The following RUNX1 variants were observed in gnomAD, a reference collection of about 807,000 sequenced individuals.
RUNX1 encodes runt-related transcription factor 1.
Under a neutral mutation model 42.8 loss-of-function variants are expected in RUNX1, and 19 were observed. That is an observed-to-expected ratio of 0.44 (90% CI 0.31 to 0.65). The LOEUF (loss-of-function observed/expected upper bound fraction) is 0.65. Ranked by LOEUF, RUNX1 falls within the 30% of genes least tolerant of loss-of-function variation. The probability of loss-of-function intolerance (pLI) is 0.07; values close to 1 mark genes in which losing one functional copy is unlikely to be tolerated. For synonymous variants in RUNX1, 271 were observed against 289.4 expected (o/e 0.94, Z 0.64); for missense variants, 528 against 672.0 (o/e 0.79, Z 2.37).
At chr21:35,016,526 G>A (rs908365156) in intron 2 of RUNX1, among the ~76,000 whole-genome samples, 1 of 152,168 alleles carries the variant, frequency 6.6e-6, no homozygotes, top group African/African-American at 2.4e-5. Context: ...TATTGGAGGA[G>A]GAAGAAGCAG....
rs570220286 is a variant in RUNX1 at position 34,918,625 on chromosome 21, T to C, written c.59-25662A>G. On this transcript the variant is annotated intron_variant, in intron 2 of 8. Coordinates refer to ENST00000675419, the MANE Select transcript of RUNX1 (RefSeq NM_001754.5). ...AAAAAAGTACATGAAATAAGATACA[T>C]GAGGCCGGGCGTGGTGGCTCACGCC... Among the ~76,000 whole-genome samples, 25 of 152,272 alleles carry C rather than the reference T, an allele frequency of 1.6e-4. 1 individual carries two copies. The South Asian group carries it at 4.4e-3, about 27-fold the overall frequency.
Position 35,002,334 on chromosome 21 carries a change from G to C in RUNX1, c.58+46508C>G, listed in dbSNP as rs1363990989. Among the ~76,000 whole-genome samples the C allele has an allele frequency of 2.0e-5, 3 of 151,270 alleles. No homozygotes were observed. The East Asian group carries it at 5.8e-4, about 29-fold the overall frequency. On this transcript the variant is annotated intron_variant, in intron 2 of 8. Transcript: ENST00000675419. ...TTGCACCCCCAGCTGCCCCTTATTT[G>C]TCTTATGCTTTTCCATTGCCCTTAG...
chr21:34,890,088 G>C (rs1022168668), intron 3 of RUNX1, among the ~76,000 whole-genome samples: 3 of 152,074 alleles, frequency 2.0e-5, no homozygotes, highest in African/African-American at 7.2e-5. Flanking sequence ...GACTGTCCCC[G>C]GGCGTTGCCG....
rs199697487 is a variant in RUNX1 at position 35,009,076 on chromosome 21, G to A, written c.58+39766C>T. On this transcript the variant is annotated intron_variant, in intron 2 of 8. Transcript: ENST00000675419. Reference sequence around the variant, plus strand: ...TTGGCCCTGAAGAATTTAGAACTGCGTCAAAAGGAAATCTGGTCTATCAGG... The same window carrying A: ...TTGGCCCTGAAGAATTTAGAACTGCATCAAAAGGAAATCTGGTCTATCAGG... Among the ~76,000 whole-genome samples, 6 of 152,126 alleles carry A rather than the reference G, an allele frequency of 3.9e-5. No individual in the cohort carries two copies. In the East Asian group the frequency reaches 5.8e-4, roughly 15 times the overall value.
At chr21:34,933,742 C>T (rs544157178) in intron 2 of RUNX1, among the ~76,000 whole-genome samples, 54 of 152,206 alleles carry the variant, frequency 3.5e-4, no homozygotes, top group Admixed American at 3.0e-3. Context: ...CGCACCACTC[C>T]AGACCTTCCT....
At chr21:35,006,189 A>G (rs921796393) in intron 2 of RUNX1, among the ~76,000 whole-genome samples, 1 of 152,188 alleles carries the variant, frequency 6.6e-6, no homozygotes, top group African/African-American at 2.4e-5. Context: ...TGTTGTATGC[A>G]TTGTCTTTGA....
At chr21:34,876,073 T>C (rs1421657375) in intron 5 of RUNX1, among the ~76,000 whole-genome samples, 1 of 152,178 alleles carries the variant, frequency 6.6e-6, no homozygotes, top group African/African-American at 2.4e-5. Context: ...GGGAGGTCAA[T>C]GTAAACACAA....
At chr21:34,960,501 A>T (rs187736579) in intron 2 of RUNX1, among the ~76,000 whole-genome samples, 25 of 152,334 alleles carry the variant, frequency 1.6e-4, no homozygotes, top group Admixed American at 1.2e-3. Flanking sequence ...TACTGCAATA[A>T]CTACTTAGAT....
chr21:34,845,689 G>A (rs912655745), intron 6 of RUNX1, among the ~76,000 whole-genome samples: 5 of 150,914 alleles, frequency 3.3e-5, no homozygotes, highest in African/African-American at 1.2e-4. Context: ...GGGGGACCCC[G>A]CCCCACTCCC....
At chr21:34,966,668 T>A (rs2058720927) in intron 2 of RUNX1, among the ~76,000 whole-genome samples, 2 of 152,226 alleles carry the variant, frequency 1.3e-5, no homozygotes, top group Non-Finnish European at 1.5e-5. Context: ...AGATAATTGA[T>A]CTGATTATGC....
chr21:35,014,544 G>A (rs1250883619), intron 2 of RUNX1, among the ~76,000 whole-genome samples: 1 of 152,192 alleles, frequency 6.6e-6, no homozygotes, highest in African/African-American at 2.4e-5. Context: ...AGAGTTCCTG[G>A]GAAGGTCAAG....
intron 5 of RUNX1, among the ~76,000 whole-genome samples, chr21:34,865,574 G>A (rs936436340): frequency 6.6e-6 from 1 of 152,188 alleles, no homozygotes; most frequent in African/African-American, 2.4e-5. Context: ...CAAGGGGTGA[G>A]TCTTCCTGGA....
chr21:34,799,354 C>G lies in RUNX1; in HGVS notation c.914G>C (p.Gly305Ala), dbSNP rs1399443142. 6.2e-7 allele frequency: 1 copy of G among 1,614,186 alleles called. No individual in the cohort carries two copies. Among genetic ancestry groups the G allele is most frequent in the South Asian group, 1.1e-5 (1 of 91,080 alleles). ...SVHPATPISP[G>A]RASGMTTLSA... ...GAGGGTTGTCATGCCGCTGGCACGT[C>G]CAGGTGAAATGGGCGTTGCTGGGTG... The change falls in exon 8 of 9, where the codon GGA (glycine) becomes GCA (alanine). Residue 305 changes from glycine (G) to alanine (A), a missense_variant. Gly to Ala is a moderately conservative substitution (Grantham distance 60). Transcript: ENST00000675419.
At chr21:34,960,643 T>C (rs1043735582) in intron 2 of RUNX1, among the ~76,000 whole-genome samples, 1 of 152,192 alleles carries the variant, frequency 6.6e-6, no homozygotes, top group African/African-American at 2.4e-5. Context: ...GATGAAGCAA[T>C]AGAGGGCCCT....
At chr21:34,978,834 C>T (rs939118758) in intron 2 of RUNX1, among the ~76,000 whole-genome samples, 2 of 152,010 alleles carry the variant, frequency 1.3e-5, no homozygotes, top group Non-Finnish European at 2.9e-5. Flanking sequence ...TTTTCTGATA[C>T]TGAAGCATGT....
At chr21:34,818,725 C>T (rs577211239) in intron 7 of RUNX1, among the ~76,000 whole-genome samples, 19 of 152,310 alleles carry the variant, frequency 1.2e-4, no homozygotes, top group East Asian at 9.6e-4. Flanking sequence ...ATGGACCAGC[C>T]GACCGGCAGC....
chr21:34,931,736 T>C (rs1043832550), intron 2 of RUNX1, among the ~76,000 whole-genome samples: 10 of 151,434 alleles, frequency 6.6e-5, no homozygotes, highest in African/African-American at 2.4e-4. Flanking sequence ...TGATCAATTA[T>C]TGATGTCTGC....
At chr21:34,981,455 G>C (rs929676494) in intron 2 of RUNX1, among the ~76,000 whole-genome samples, 1 of 152,168 alleles carries the variant, frequency 6.6e-6, no homozygotes, top group East Asian at 1.9e-4. Flanking sequence ...GGAGTCCCTG[G>C]ACCTATTCTA....
In RUNX1 at chr21:34,918,210, C is replaced by T. The variant is rs570831287; in HGVS notation, c.59-25247G>A. 4.5e-4 allele frequency among the ~76,000 whole-genome samples: 68 copies of T among 150,566 alleles called. 1 individual carries two copies. Among genetic ancestry groups the T allele is most frequent in the Admixed American group, 1.5e-3 (23 of 15,118 alleles). On this transcript the variant is annotated intron_variant, in intron 2 of 8. Coordinates refer to ENST00000675419, the MANE Select transcript of RUNX1 (RefSeq NM_001754.5). ...TTAAGGTCAAGTTGATCTGATAAAT[C>T]GCTATGCAATAATCCAAGCACCCCA...
Sources: gnomAD v4.1 joint callset for allele counts (sites outside exome capture counted in the v4.1 genomes callset) on GRCh38, gnomAD v4.1.1 for gene constraint, MANE v1.5 for transcripts, NCBI Gene and HGNC (gene_info 2026-07-23, HGNC 2026-07-21) for gene names.